The following SGCD variants were observed in gnomAD, a reference collection of about 807,000 sequenced individuals.
SGCD encodes the protein sarcoglycan delta, also known as delta-sarcoglycan.
A neutral mutation model predicts 36.6 loss-of-function variants in SGCD; 18 were observed. The ratio of observed to expected loss-of-function variants is 0.49; its 90% confidence interval spans 0.34 to 0.73. The LOEUF (loss-of-function observed/expected upper bound fraction) is 0.73, where lower values mean the gene tolerates loss of function less well. Ranked by LOEUF, SGCD falls within the 30% of genes least tolerant of loss-of-function variation. The pLI is 0.01. For missense variants in SGCD, 387 were observed against 346.7 expected (o/e 1.12, Z -0.92); for synonymous variants, 133 against 130.6 (o/e 1.02, Z -0.12).
chr5:156,598,714 T>C (rs948256699), intron 6 of SGCD, among the ~76,000 whole-genome samples: 4 of 152,230 alleles, frequency 2.6e-5, no homozygotes, highest in African/African-American at 9.6e-5. Flanking sequence ...AATCTGACTT[T>C]GCAATGGCAT....
intron 7 of SGCD, among the ~76,000 whole-genome samples, chr5:156,668,491 C>T (rs1423131903): frequency 3.3e-5 from 5 of 152,156 alleles, no homozygotes; most frequent in Non-Finnish European, 4.4e-5. Context: ...AACAGTGATG[C>T]TTCAATATTT....
rs887085541 is a variant in SGCD at position 156,628,055 on chromosome 5, A to C, written c.503-19409A>C. 1.8e-4 allele frequency among the ~76,000 whole-genome samples: 27 copies of C among 152,182 alleles called. 1 individual carries two copies. The highest frequency in any genetic ancestry group is 3.8e-4 in the Non-Finnish European group (26 of 68,036). ...ATCTGCTCAGCTTTGGGGAAGCCTC[A>C]GGAAACTTACAGTCATGGTGGAAGG... On this transcript the variant is annotated intron_variant, in intron 6 of 8. Coordinates refer to ENST00000337851, the MANE Select transcript of SGCD (RefSeq NM_000337.6).
In SGCD at chr5:156,012,470, T is replaced by C. The variant is rs568461038; in HGVS notation, c.-281-105408T>C. Among the ~76,000 whole-genome samples the C allele has an allele frequency of 9.2e-5, 14 of 152,312 alleles. No homozygotes were observed. In the South Asian group the frequency reaches 2.9e-3, roughly 32 times the overall value. ...GAGGTGGAAATGTAAATGATTCAAA[T>C]CCCACCATTCAGTGAAGTCAGTGAT... On this transcript the variant is annotated intron_variant, in intron 1 of 9. Transcript: ENST00000517913.
chr5:156,392,342 G>A (rs1771617495), intron 3 of SGCD, among the ~76,000 whole-genome samples: 1 of 152,186 alleles, frequency 6.6e-6, no homozygotes. Flanking sequence ...AAAGGAAACT[G>A]TGTAGTAGTG....
intron 7 of SGCD, among the ~76,000 whole-genome samples, chr5:156,695,138 TTG>T (rs35024208): frequency 8.6e-4 from 125 of 145,880 alleles, no homozygotes; most frequent in South Asian, 2.2e-3. Flanking sequence ...GTGTGTGTGT[TTG>T]TGTGTGTGTG....
the SGCD span, among the ~76,000 whole-genome samples, chr5:155,807,743 A>G: frequency 6.6e-6 from 1 of 152,178 alleles, no homozygotes. Flanking sequence ...GAACTGTTGC[A>G]TGTGTATTTA....
intron 1 of SGCD, among the ~76,000 whole-genome samples, chr5:155,984,737 C>G (rs1758295570): frequency 6.6e-6 from 1 of 152,188 alleles, no homozygotes; most frequent in Non-Finnish European, 1.5e-5. Flanking sequence ...GCTTGAATGT[C>G]AGTGCTTCAG....
intron 4 of SGCD, among the ~76,000 whole-genome samples, chr5:156,544,783 T>G (rs10076239): frequency 0.51 from 78,233 of 152,000 alleles, 20,711 homozygotes; most frequent in African/African-American, 0.63. Context: ...GTCATTACTA[T>G]TATTATCATT....
At chr5:156,154,923 T>C (rs1762915974) in intron 3 of SGCD, among the ~76,000 whole-genome samples, 1 of 151,664 alleles carries the variant, frequency 6.6e-6, no homozygotes, top group Non-Finnish European at 1.5e-5. Context: ...ACTCTGCACA[T>C]AGCTCAGTTC....
intron 3 of SGCD, among the ~76,000 whole-genome samples, chr5:156,179,575 A>G (rs186812155): frequency 1.7e-4 from 26 of 151,480 alleles, no homozygotes; most frequent in Admixed American, 2.6e-4. Context: ...ATTGTGTAAT[A>G]TATTCCCTTC....
chr5:156,234,857 C>T (rs1174396210), intron 3 of SGCD, among the ~76,000 whole-genome samples: 1 of 152,074 alleles, frequency 6.6e-6, no homozygotes. Context: ...GATAAAGGAA[C>T]TAGGTAGGGT....
chr5:155,923,908 G>C (rs1361234215), intron 1 of SGCD, among the ~76,000 whole-genome samples: 2 of 152,140 alleles, frequency 1.3e-5, no homozygotes, highest in Non-Finnish European at 2.9e-5. Flanking sequence ...TAGGTAAAGA[G>C]GGTCAATTTA....
the SGCD span, among the ~76,000 whole-genome samples, chr5:155,822,338 T>A: frequency 2.2e-3 from 331 of 152,310 alleles, no homozygotes; most frequent in African/African-American, 7.7e-3. Flanking sequence ...AGCTGCACGG[T>A]AGGGTACAGG....
At chr5:156,736,620 T>C (rs1756380911) in intron 7 of SGCD, among the ~76,000 whole-genome samples, 2 of 152,282 alleles carry the variant, frequency 1.3e-5, no homozygotes, top group East Asian at 1.9e-4. Context: ...CAGATAGTCC[T>C]GGTTACCTGA....
At chr5:156,581,165 C>T (rs774930677) in intron 4 of SGCD, among the ~76,000 whole-genome samples, 19 of 152,218 alleles carry the variant, frequency 1.2e-4, no homozygotes, top group Non-Finnish European at 2.6e-4. Flanking sequence ...CCCTCAGCTG[C>T]AGGTCTTTTG....
At chr5:156,168,538 G>A (rs747016969) in intron 3 of SGCD, among the ~76,000 whole-genome samples, 4 of 152,176 alleles carry the variant, frequency 2.6e-5, no homozygotes, top group Non-Finnish European at 4.4e-5. Flanking sequence ...TCATGCCAGT[G>A]CACTCCAGCC....
chr5:156,208,560 T>C (rs1484671266), intron 3 of SGCD, among the ~76,000 whole-genome samples: 1 of 152,246 alleles, frequency 6.6e-6, no homozygotes, highest in East Asian at 1.9e-4. Flanking sequence ...TCTGGTTTTA[T>C]TGAAAATGTT....
chr5:155,991,125 T>C (rs1758424066), intron 1 of SGCD, among the ~76,000 whole-genome samples: 1 of 152,186 alleles, frequency 6.6e-6, no homozygotes, highest in Admixed American at 6.5e-5. Context: ...AGTGAGATTA[T>C]TCCCTTGGCC....
intron 1 of SGCD, among the ~76,000 whole-genome samples, chr5:155,879,995 G>C (rs1372121455): frequency 6.6e-6 from 1 of 152,142 alleles, no homozygotes; most frequent in African/African-American, 2.4e-5. Context: ...GATTGGGGGA[G>C]TTTTGCAGTA....
Sources: gnomAD v4.1 joint callset for allele counts (sites outside exome capture counted in the v4.1 genomes callset) on GRCh38, gnomAD v4.1.1 for gene constraint, MANE v1.5 for transcripts, NCBI Gene and HGNC (gene_info 2026-07-23, HGNC 2026-07-21) for gene names.